RAB3IP: variants seen among roughly 807,000 people sequenced by gnomAD.
The protein encoded by RAB3IP is RAB3A interacting protein.
A neutral mutation model predicts 59.1 loss-of-function variants in RAB3IP; 36 were observed. The observed-to-expected ratio is 0.61, with a 90% CI of 0.47 to 0.80. The LOEUF is 0.80. RAB3IP is among the 30% of genes least tolerant of loss of function. RAB3IP has a pLI of 0.00. For synonymous variants in RAB3IP, 207 were observed against 191.2 expected, an observed-to-expected ratio of 1.08 and a Z score of -0.68; for missense variants, 511 against 536.0, an observed-to-expected ratio of 0.95 and a Z score of 0.46.
intron 8 of RAB3IP, among the ~76,000 whole-genome samples, chr12:69,806,240 G>A (rs374391671): frequency 3.3e-5 from 5 of 152,016 alleles, no homozygotes; most frequent in South Asian, 2.1e-4. Flanking sequence ...TGTATGTGTC[G>A]AGGAATTTAT....
rs1332658144 is a variant in RAB3IP at position 69,820,011 on chromosome 12, A to T, written c.*4565A>T. ...ACCTGTTACGTCTTCACTTACTCCC[A>T]TCGCCACCACAAGAATCCTGTGTGT... On this transcript the variant is annotated 3_prime_UTR_variant, in exon 11 of 11. Transcript: ENST00000247833. The T allele has an allele frequency of 6.6e-6, 1 of 152,164 alleles. No individual in the cohort carries two copies. Among genetic ancestry groups the T allele is most frequent in the African/African-American group, 2.4e-5 (1 of 41,428 alleles). The allele number at this position is 152,164 out of a possible 1,614,324, so 9.4% of individuals were successfully genotyped here.
chr12:69,770,517 A>G lies in RAB3IP; in HGVS notation c.510+13854A>G, dbSNP rs191613142. Among the ~76,000 whole-genome samples, 8 of 152,296 alleles carry G rather than the reference A, an allele frequency of 5.3e-5. No homozygotes were observed. The East Asian group carries it at 1.3e-3, about 26-fold the overall frequency. On this transcript the variant is annotated intron_variant, in intron 3 of 10. Transcript: ENST00000247833. ...TTGATCTGTGGTTTGGTGAATATGC[A>G]GATGGAACCTGCTGATGCAGAACCT...
chr12:69,788,664 A>T (rs967500694), intron 4 of RAB3IP, among the ~76,000 whole-genome samples: 3 of 152,136 alleles, frequency 2.0e-5, no homozygotes, highest in Non-Finnish European at 4.4e-5. Flanking sequence ...CAGAAAATTA[A>T]TAAGGAAACA....
intron 1 of RAB3IP, among the ~76,000 whole-genome samples, chr12:69,751,958 T>A (rs1171896440): frequency 2.0e-5 from 3 of 151,618 alleles, no homozygotes; most frequent in Admixed American, 6.6e-5. Flanking sequence ...CTCTGTCATC[T>A]CTCCTTCTAT....
chr12:69,800,679 T>G (rs1168644820), intron 7 of RAB3IP, among the ~76,000 whole-genome samples: 1 of 152,184 alleles, frequency 6.6e-6, no homozygotes, highest in Non-Finnish European at 1.5e-5. Flanking sequence ...GCATTTGTTG[T>G]GTCTATCTGT....
At chr12:69,796,800 A>G (rs1877497085) in intron 6 of RAB3IP, among the ~76,000 whole-genome samples, 1 of 152,186 alleles carries the variant, frequency 6.6e-6, no homozygotes, top group Non-Finnish European at 1.5e-5. Flanking sequence ...TACAACTTGT[A>G]TTTTTGGTGT....
At chr12:69,809,898 C>T (rs896106540) in intron 8 of RAB3IP, among the ~76,000 whole-genome samples, 5 of 152,320 alleles carry the variant, frequency 3.3e-5, no homozygotes, top group East Asian at 1.9e-4. Context: ...TCTCTCAACT[C>T]GTCAAAGTCA....
intron 3 of RAB3IP, among the ~76,000 whole-genome samples, chr12:69,782,868 A>G (rs577211321): frequency 3.7e-4 from 57 of 152,150 alleles, no homozygotes; most frequent in Middle Eastern, 3.4e-3. Flanking sequence ...AGGCAAGCTC[A>G]TAGGAGAGAG....
chr12:69,755,313 A>T (rs1870016655), intron 1 of RAB3IP, 71 bp from the exon 2 acceptor site: 1 of 1,277,784 alleles, frequency 7.8e-7, no homozygotes, highest in Non-Finnish European at 1.1e-6. Flanking sequence ...ACATTTTATA[A>T]TTTATGCATT....
chr12:69,798,331 A>T (rs1343235400), intron 6 of RAB3IP, among the ~76,000 whole-genome samples: 1 of 151,818 alleles, frequency 6.6e-6, no homozygotes, highest in African/African-American at 2.4e-5. Context: ...TCGTTTGAGA[A>T]GTGTCTGTTC....
chr12:69,755,663 G>A lies in RAB3IP; in HGVS notation c.251+4G>A. ...GTGCGGAAATATCTAGTATCAGGTA[G>A]GAAATAAGTAAATCACTTATTTGAT... On this transcript the variant is annotated splice_donor_region_variant and intron_variant, in intron 2 of 10. Transcript: ENST00000247833. 6.3e-7 allele frequency: 1 copy of A among 1,593,844 alleles called. No homozygotes were observed. The highest frequency in any genetic ancestry group is 1.7e-5 in the Admixed American group (1 of 58,400).
Position 69,815,486 on chromosome 12 carries a change from GA to G in RAB3IP, c.*45del. The G allele has an allele frequency of 2.3e-6, 3 of 1,308,730 alleles. No individual in the cohort carries two copies. Among genetic ancestry groups the G allele is most frequent in the Non-Finnish European group, 2.2e-6 (2 of 910,570 alleles). The allele number at this position is 1,308,730 out of a possible 1,614,324, so 81.1% of individuals were successfully genotyped here. ...CCATGCCTGAACTCCCCGAATAACT[GA>G]AAAATGGCTGAATATTTTTATGGTT... On this transcript the variant is annotated 3_prime_UTR_variant, in exon 11 of 11. Transcript: ENST00000247833.
Position 69,773,406 on chromosome 12 carries a change from T to C in RAB3IP, c.511-11314T>C, listed in dbSNP as rs1259129705. On this transcript the variant is annotated intron_variant, in intron 3 of 10. Transcript: ENST00000247833. ...TTCTACCCATTTGTCTTTCTTTTTT[T>C]TTTTTTTTTTTTTTTTTATTATACT... Among the ~76,000 whole-genome samples, 175 of 135,102 alleles carry C rather than the reference T, an allele frequency of 1.3e-3. 1 individual carries two copies. The highest frequency in any genetic ancestry group is 3.9e-3 in the African/African-American group (141 of 36,620). 88.6% of individuals were successfully genotyped at this position (135,102 alleles called of 152,430 possible). A position where few individuals can be genotyped will look rare whatever the true frequency, so the allele number is the denominator to read the frequency against.
intron 1 of RAB3IP, among the ~76,000 whole-genome samples, chr12:69,741,404 G>A (rs991694710): frequency 6.6e-5 from 10 of 152,214 alleles, no homozygotes; most frequent in Admixed American, 1.3e-4. Context: ...TAGTGCTTTT[G>A]TTTCTTACAT....
Position 69,755,594 on chromosome 12 carries a change from A to T in RAB3IP, c.186A>T (p.Glu62Asp), listed in dbSNP as rs750336181. Residue 62 changes from glutamate to aspartate, a missense_variant, in exon 2 of 11, where the codon GAA becomes GAT. Coordinates refer to ENST00000247833, the MANE Select transcript of RAB3IP (RefSeq NM_022456.5). ...AGGCAAATGCATTAGATGTTTCTGA[A>T]CTTCCTACACAACCCGTGTATTCAT... ...PIQANALDVS[E>D]LPTQPVYSSP... is the part of the protein sequence containing the mutation. 1.2e-6 allele frequency: 2 copies of T among 1,613,954 alleles called. No homozygotes were observed. The highest frequency in any genetic ancestry group is 2.2e-5 in the South Asian group (2 of 91,078).
chr12:69,780,808 CT>C (rs577738994), intron 3 of RAB3IP, among the ~76,000 whole-genome samples: 142 of 144,928 alleles, frequency 9.8e-4, no homozygotes, highest in Middle Eastern at 3.6e-3. Flanking sequence ...CCTCCTAAAT[CT>C]TTTTTTTTTT....
intron 4 of RAB3IP, among the ~76,000 whole-genome samples, chr12:69,791,743 A>G (rs1876655221): frequency 6.6e-6 from 1 of 152,222 alleles, no homozygotes; most frequent in South Asian, 2.1e-4. Context: ...CCATTATGGA[A>G]AACAGTATGG....
chr12:69,789,807 C>T (rs1876312571), intron 4 of RAB3IP, among the ~76,000 whole-genome samples: 1 of 152,000 alleles, frequency 6.6e-6, no homozygotes, highest in South Asian at 2.1e-4. Context: ...TGTGATAAAC[C>T]ACAGTAATAG....
Position 69,821,275 on chromosome 12 carries a change from C to G in RAB3IP, c.*5829C>G, listed in dbSNP as rs1426844729. 6.6e-6 allele frequency: 1 copy of G among 152,184 alleles called. No homozygotes were observed. Among genetic ancestry groups the G allele is most frequent in the Admixed American group, 6.5e-5 (1 of 15,274 alleles). 9.4% of individuals were successfully genotyped at this position (152,184 alleles called of 1,614,324 possible). ...CCCAAATCACAACTAGATTAGATTA[C>G]TATTCAAGAGAATGATTCTCTACCG... On this transcript the variant is annotated 3_prime_UTR_variant, in exon 11 of 11. Coordinates refer to ENST00000247833, the MANE Select transcript of RAB3IP (RefSeq NM_022456.5).
Sources: allele counts gnomAD v4.1 joint callset (sites outside exome capture counted in the v4.1 genomes callset), GRCh38; gene constraint gnomAD v4.1.1; transcripts MANE v1.5; gene names NCBI Gene and HGNC (gene_info 2026-07-23, HGNC 2026-07-21).